The following GINM1 variants were observed in gnomAD, a reference collection of about 807,000 sequenced individuals.
GINM1 encodes glycoprotein integral membrane protein 1.
Under a neutral mutation model 37.8 loss-of-function variants are expected in GINM1, and 29 were observed. The observed-to-expected ratio is 0.77, with a 90% CI of 0.57 to 1.05. GINM1 has a LOEUF of 1.05. GINM1 is among the 50% of genes least tolerant of loss of function. The pLI is 0.00. For synonymous variants in GINM1, 143 were observed against 146.2 expected, an observed-to-expected ratio of 0.98 and a Z score of 0.16; for missense variants, 377 against 397.9, an observed-to-expected ratio of 0.95 and a Z score of 0.45.
At chr6:149,583,677 T>A (rs1315953092) in intron 7 of GINM1, among the ~76,000 whole-genome samples, 1 of 150,682 alleles carries the variant, frequency 6.6e-6, no homozygotes, top group African/African-American at 2.4e-5. Context: ...CTTAACTGTA[T>A]ATCAGTGAGG....
At chr6:149,580,030 A>C (rs971350498) in intron 5 of GINM1, 40 bp downstream of exon 5, 1 of 1,298,744 alleles carries the variant, frequency 7.7e-7, no homozygotes, top group African/African-American at 1.5e-5. Flanking sequence ...TAAGGAGATT[A>C]TTTATTTAGT....
At chr6:149,588,916 G>A (rs2115064136) in intron 7 of GINM1, among the ~76,000 whole-genome samples, 1 of 152,168 alleles carries the variant, frequency 6.6e-6, no homozygotes, top group East Asian at 1.9e-4. Flanking sequence ...CAATTCTCAT[G>A]CCTCAGCCTC....
chr6:149,566,395 C>A lies in GINM1; in HGVS notation c.-20C>A. ...CCCTCACCTCCCGGCCGCGGCTGCCCTCTGCCCGGGTTGTCCAAGATGGAG... is the reference window on the plus strand; with the variant it reads ...CCCTCACCTCCCGGCCGCGGCTGCCATCTGCCCGGGTTGTCCAAGATGGAG... On this transcript the variant is annotated 5_prime_UTR_variant, in exon 1 of 8. Transcript: ENST00000367419. The surrounding 1 kb of genome is among the most constrained non-coding windows in gnomAD (Gnocchi z 4.4). 1 of 1,543,678 alleles carries A rather than the reference C, an allele frequency of 6.5e-7. No individual in the cohort carries two copies. Among genetic ancestry groups the A allele is most frequent in the African/African-American group, 1.4e-5 (1 of 70,280 alleles).
intron 3 of GINM1, among the ~76,000 whole-genome samples, chr6:149,576,620 A>C (rs1777918615): frequency 6.6e-6 from 1 of 152,126 alleles, no homozygotes; most frequent in African/African-American, 2.4e-5. Context: ...AATCATTCAT[A>C]GATCGATAGA....
intron 3 of GINM1, among the ~76,000 whole-genome samples, chr6:149,573,365 G>C (rs2115056631): frequency 7.1e-6 from 1 of 140,236 alleles, no homozygotes; most frequent in African/African-American, 2.7e-5. Context: ...GGAGTTTGAG[G>C]CTGCAGTGAG....
In GINM1 at chr6:149,578,724, C is replaced by T. The variant is rs1187100688; in HGVS notation, c.278-98C>T. On this transcript the variant is annotated intron_variant, in intron 3 of 7. Transcript: ENST00000367419. ...GAAAGCCAAAGAAATGGGTTTTCAA[C>T]TGTCTTGTTCCATGTAAATGTCATC... 7.9e-6 allele frequency: 6 copies of T among 757,880 alleles called. No individual in the cohort carries two copies. The Admixed American group carries it at 2.0e-4, about 25-fold the overall frequency. The allele number at this position is 757,880 out of a possible 1,614,324, so 46.9% of individuals were successfully genotyped here.
At chr6:149,587,994 A>G (rs1192986863) in intron 7 of GINM1, among the ~76,000 whole-genome samples, 3 of 152,204 alleles carry the variant, frequency 2.0e-5, no homozygotes, top group African/African-American at 7.2e-5. Context: ...TCATAATATC[A>G]CAGGTGTTCC....
chr6:149,580,582 C>CT lies in GINM1; in HGVS notation c.587-10dup, dbSNP rs1328066045. ...CAGCATTTTGGTAACGTTGCTCTTT[C>CT]TCCTGGGTAGAAAGTGTTAGTTCAC... On this transcript the variant is annotated splice_polypyrimidine_tract_variant and intron_variant, in intron 5 of 7. Transcript: ENST00000367419. 6.2e-7 allele frequency: 1 copy of CT among 1,603,254 alleles called. No individual in the cohort carries two copies. Among genetic ancestry groups the CT allele is most frequent in the Non-Finnish European group, 8.5e-7 (1 of 1,175,402 alleles).
intron 7 of GINM1, among the ~76,000 whole-genome samples, chr6:149,586,008 T>C (rs1422425347): frequency 6.6e-6 from 1 of 152,224 alleles, no homozygotes; most frequent in East Asian, 1.9e-4. Context: ...TCATTTCTTG[T>C]TCAGTGTTAG....
chr6:149,575,764 G>C (rs909421711), intron 3 of GINM1, among the ~76,000 whole-genome samples: 1 of 152,182 alleles, frequency 6.6e-6, no homozygotes, highest in Non-Finnish European at 1.5e-5. Flanking sequence ...GAAAGGAAGT[G>C]CTAGTACTAC....
At chr6:149,585,631 C>A (rs374116569) in intron 7 of GINM1, among the ~76,000 whole-genome samples, 1 of 151,894 alleles carries the variant, frequency 6.6e-6, no homozygotes, top group Non-Finnish European at 1.5e-5. Context: ...CTCACTCTGT[C>A]GCCCAGGCTG....
intron 1 of GINM1, among the ~76,000 whole-genome samples, chr6:149,569,928 A>C (rs1227980083): frequency 1.3e-5 from 2 of 151,722 alleles, no homozygotes; most frequent in African/African-American, 4.8e-5. Context: ...CTGAACTTCC[A>C]GTTCAATCAG....
At position 149,590,891 on chromosome 6, in the gene GINM1, C is replaced by T; in HGVS notation, c.*53C>T. 2.5e-6 allele frequency: 2 copies of T among 800,308 alleles called. No homozygotes were observed. Among genetic ancestry groups the T allele is most frequent in the South Asian group, 1.5e-5 (1 of 66,962 alleles). 49.6% of individuals were successfully genotyped at this position (800,308 alleles called of 1,614,324 possible). On this transcript the variant is annotated 3_prime_UTR_variant, in exon 8 of 8. Coordinates refer to ENST00000367419, the MANE Select transcript of GINM1 (RefSeq NM_138785.5). ...AGTAGCCTGTTGCCTCCAAATTTGC[C>T]ACTTGAATATAATTTTCTTTAAATC...
intron 3 of GINM1, among the ~76,000 whole-genome samples, chr6:149,574,629 C>A (rs1777886919): frequency 6.6e-6 from 1 of 152,152 alleles, no homozygotes; most frequent in Admixed American, 6.5e-5. Context: ...GTTGCTCATG[C>A]CTGTATTCCC....
intron 7 of GINM1, among the ~76,000 whole-genome samples, chr6:149,584,067 C>T (rs1195201413): frequency 6.6e-6 from 1 of 152,076 alleles, no homozygotes; most frequent in East Asian, 1.9e-4. Flanking sequence ...CCTCCGCCTC[C>T]TGGGTTCAAG....
Position 149,580,719 on chromosome 6 carries a change from A to G in GINM1, c.713A>G (p.Tyr238Cys). The G allele has an allele frequency of 1.9e-6, 3 of 1,613,392 alleles. No individual in the cohort carries two copies. The highest frequency in any genetic ancestry group is 2.5e-6 in the Non-Finnish European group (3 of 1,179,554). ...TPLRAEPPSS[Y>C]KVMCQWMEKF... is the part of the protein sequence containing the mutation. ...CTCAGAGCAGAGCCGCCATCTTCAT[A>G]TAAGGTAAATCAAGTATTTGGTGTT... is the stretch of plus-strand genomic sequence containing the variant. The change falls in exon 6 of 8, where the codon TAT (tyrosine) becomes TGT (cysteine). Residue 238 changes from tyrosine (Y) to cysteine (C), a missense_variant. By Grantham distance (194) the Tyr-to-Cys change is radical. Transcript: ENST00000367419.
At chr6:149,568,359 A>G (rs1298527167) in intron 1 of GINM1, among the ~76,000 whole-genome samples, 1 of 152,254 alleles carries the variant, frequency 6.6e-6, no homozygotes, top group Non-Finnish European at 1.5e-5. Context: ...AAGTCTTCTC[A>G]ACGTCTTATT....
At chr6:149,579,754 TG>T in intron 4 of GINM1, 79 bp from the exon 5 acceptor site, 2 of 798,598 alleles carry the variant, frequency 2.5e-6, no homozygotes, top group Non-Finnish European at 3.9e-6. Context: ...TATATAAATC[TG>T]GGAGGAAAAT....
chr6:149,572,189 TG>T, intron 1 of GINM1, 95 bp from the exon 2 acceptor site: 1 of 667,024 alleles, frequency 1.5e-6, no homozygotes, highest in Non-Finnish European at 2.6e-6. Context: ...TATAAGTGAT[TG>T]TACAATAGAT....
Sources: allele counts gnomAD v4.1 joint callset (sites outside exome capture counted in the v4.1 genomes callset), GRCh38; gene constraint gnomAD v4.1.1; non-coding constraint Gnocchi (gnomAD v3.1); transcripts MANE v1.5; gene names NCBI Gene and HGNC (gene_info 2026-07-23, HGNC 2026-07-21).